PRKDC: variants seen among roughly 807,000 people sequenced by gnomAD.
PRKDC encodes DNA-dependent protein kinase catalytic subunit.
Under a neutral mutation model 486.9 loss-of-function variants are expected in PRKDC, and 82 were observed. The ratio of observed to expected loss-of-function variants is 0.17; its 90% confidence interval spans 0.14 to 0.20. The LOEUF is 0.20. Ranked by LOEUF, PRKDC falls within the 10% of genes least tolerant of loss-of-function variation. The probability of loss-of-function intolerance (pLI) is 1.00; values close to 1 mark genes in which losing one functional copy is unlikely to be tolerated. For missense variants in PRKDC, 4,504 were observed against 5,038.2 expected (o/e 0.89, Z 3.21); for synonymous variants, 1,895 against 1,837.0 (o/e 1.03, Z -0.81).
chr8:47,790,189 A>G (rs2086861277), intron 74 of PRKDC, among the ~76,000 whole-genome samples: 1 of 152,240 alleles, frequency 6.6e-6, no homozygotes. Flanking sequence ...AAACCATCAG[A>G]ACTGATAAAT....
chr8:47,859,082 TAACA>T, intron 46 of PRKDC, 96 bp from the exon 47 acceptor site: 1 of 1,284,738 alleles, frequency 7.8e-7, no homozygotes, highest in Non-Finnish European at 1.1e-6. Flanking sequence ...CAACAGCATA[TAACA>T]AACACTTAGG....
chr8:47,894,276 A>T (rs2089529368), intron 30 of PRKDC, among the ~76,000 whole-genome samples: 1 of 152,038 alleles, frequency 6.6e-6, no homozygotes, highest in South Asian at 2.1e-4. Flanking sequence ...GACTCGGTAT[A>T]AAAAAAAGAA....
chr8:47,774,429 T>C, intron 85 of PRKDC, 52 bp from the exon 86 acceptor site: 1 of 1,546,266 alleles, frequency 6.5e-7, no homozygotes, highest in Non-Finnish European at 8.8e-7. Context: ...TTGTCCTTTG[T>C]TGCCTGCATC....
intron 48 of PRKDC, 44 bp downstream of exon 48, chr8:47,858,472 T>C (rs373324119): frequency 2.6e-5 from 37 of 1,400,482 alleles, no homozygotes; most frequent in African/African-American, 2.5e-4. Context: ...ATAAACAGAC[T>C]TACAGAATCT....
intron 36 of PRKDC, among the ~76,000 whole-genome samples, chr8:47,884,665 C>T (rs755185857): frequency 6.6e-6 from 1 of 152,204 alleles, no homozygotes; most frequent in Non-Finnish European, 1.5e-5. Context: ...ATTCCTACTG[C>T]AATCTACCAC....
chr8:47,939,466 G>C, intron 11 of PRKDC, 85 bp downstream of exon 11: 1 of 1,443,520 alleles, frequency 6.9e-7, no homozygotes, highest in Non-Finnish European at 9.6e-7. Context: ...ACAAGTATTA[G>C]ACACTATTCA....
intron 11 of PRKDC, among the ~76,000 whole-genome samples, chr8:47,937,225 C>T (rs2090368057): frequency 6.6e-6 from 1 of 152,114 alleles, no homozygotes; most frequent in African/African-American, 2.4e-5. Context: ...CGCGCCACTG[C>T]ACTCCAGCCT....
intron 39 of PRKDC, 61 bp downstream of exon 39, chr8:47,879,430 G>C: frequency 7.1e-7 from 1 of 1,413,590 alleles, no homozygotes; most frequent in Non-Finnish European, 9.5e-7. Context: ...TTTTCATCAA[G>C]ATATGTAACA....
Position 47,826,816 on chromosome 8 carries a change from C to T in PRKDC, c.8623G>A (p.Ala2875Thr), listed in dbSNP as rs1282130213. 2 of 1,604,666 alleles carry T rather than the reference C, an allele frequency of 1.2e-6. No homozygotes were observed. Among genetic ancestry groups the T allele is most frequent in the Non-Finnish European group, 1.7e-6 (2 of 1,175,326 alleles). Residue 2875 changes from alanine to threonine, a missense_variant, in exon 63 of 86, where the codon GCT (alanine) becomes ACT (threonine). Ala to Thr is a moderately conservative substitution (Grantham distance 58). This residue lies in a region of PRKDC where 1,592 missense variants were observed against 1,724.6 expected (regional missense o/e 0.92). Coordinates refer to ENST00000314191, the MANE Select transcript of PRKDC (RefSeq NM_006904.7). ...CTGGCCAGGCAACCAGCGCTAACAG[C>T]CGCTGGGTCGAGGCTCAGCAGGGCT... The part of the protein sequence containing the change: ...HAALLSLDPA[A>T]VSAGCLASLQ...
intron 66 of PRKDC, among the ~76,000 whole-genome samples, chr8:47,820,107 C>G (rs2087552155): frequency 6.6e-6 from 1 of 152,270 alleles, no homozygotes; most frequent in South Asian, 2.1e-4. Flanking sequence ...CATTCCGCTA[C>G]CCCAAATAGA....
chr8:47,904,812 A>G, intron 26 of PRKDC, 57 bp downstream of exon 26: 1 of 1,298,566 alleles, frequency 7.7e-7, no homozygotes, highest in Non-Finnish European at 1.1e-6. Flanking sequence ...TAAATAAACA[A>G]ACATCAAATA....
At chr8:47,954,704 G>T (rs567818032) in intron 4 of PRKDC, among the ~76,000 whole-genome samples, 1 of 152,202 alleles carries the variant, frequency 6.6e-6, no homozygotes, top group East Asian at 1.9e-4. Flanking sequence ...AATGCTCTAG[G>T]TGTGTTACGT....
chr8:47,939,574 G>A lies in PRKDC; in HGVS notation c.1090C>T (p.Arg364Cys), dbSNP rs373460300. 1.4e-5 allele frequency: 23 copies of A among 1,613,176 alleles called. No individual in the cohort carries two copies. The highest frequency in any genetic ancestry group is 2.2e-5 in the South Asian group (2 of 90,916). Residue 364 changes from arginine (R) to cysteine (C), a missense_variant, in exon 11 of 86, where the codon CGT becomes TGT. Physicochemically the swap from Arg to Cys is radical, Grantham distance 180 (BLOSUM62 -3). Around this residue, in one of 6 missense-constraint regions of PRKDC, gnomAD observed 1,969 missense variants for 2,068.9 expected, o/e 0.95. Transcript: ENST00000314191. Reference protein sequence around the residue: ...SNNKELSIAIRGYGLFAGPCK... With the variant: ...SNNKELSIAICGYGLFAGPCK... Reference sequence around the variant, plus strand: ...ACTCCTGCAAAAAGTCCATATCCACGGATAGCAATAGATAACTCCTTGTTG... The same window carrying A: ...ACTCCTGCAAAAAGTCCATATCCACAGATAGCAATAGATAACTCCTTGTTG...
chr8:47,819,809 T>G (rs553018809), intron 66 of PRKDC, among the ~76,000 whole-genome samples: 1 of 152,340 alleles, frequency 6.6e-6, no homozygotes, highest in South Asian at 2.1e-4. Context: ...TCCTATAATG[T>G]AAAACTGCTG....
At chr8:47,888,379 C>G (rs1262440701) in intron 34 of PRKDC, 139 bp downstream of exon 34, 1 of 624,936 alleles carries the variant, frequency 1.6e-6, no homozygotes, top group South Asian at 5.0e-5. Context: ...ATAATATCTA[C>G]ATGTCTTGAG....
intron 68 of PRKDC, among the ~76,000 whole-genome samples, chr8:47,810,840 A>G (rs1337641457): frequency 6.6e-6 from 1 of 152,228 alleles, no homozygotes; most frequent in South Asian, 2.1e-4. Context: ...AAAAGAAAAT[A>G]ACAGTAAGAT....
At chr8:47,810,919 A>C (rs947265365) in intron 68 of PRKDC, among the ~76,000 whole-genome samples, 1 of 152,244 alleles carries the variant, frequency 6.6e-6, no homozygotes, top group African/African-American at 2.4e-5. Context: ...AAAAATGAAC[A>C]GAGTCAGGGA....
chr8:47,815,052 G>C (rs1324749143), intron 68 of PRKDC, among the ~76,000 whole-genome samples: 2 of 152,174 alleles, frequency 1.3e-5, no homozygotes, highest in African/African-American at 2.4e-5. Flanking sequence ...TGTGGTCCCA[G>C]CTACTTGAGA....
chr8:47,864,861 CA>C, intron 40 of PRKDC, 98 bp from the exon 41 acceptor site: 1 of 1,071,576 alleles, frequency 9.3e-7, no homozygotes. Flanking sequence ...CCAGTGATTA[CA>C]AATTACAAAA....
Sources: gnomAD v4.1 joint callset for allele counts (sites outside exome capture counted in the v4.1 genomes callset) on GRCh38, gnomAD v4.1.1 for gene constraint, gnomAD v4.1.1 regional missense constraint, MANE v1.5 for transcripts, NCBI Gene and HGNC (gene_info 2026-07-23, HGNC 2026-07-21) for gene names.